Variants in SH3RF3 observed in about 807,000 individuals in gnomAD.
SH3RF3 encodes E3 ubiquitin-protein ligase SH3RF3.
Under a neutral mutation model 66.3 loss-of-function variants are expected in SH3RF3, and 29 were observed. The observed-to-expected ratio is 0.44, with a 90% CI of 0.33 to 0.60. SH3RF3 has a LOEUF of 0.60. Among genes scored for constraint, SH3RF3 ranks in the 20% least tolerant of loss-of-function variants. SH3RF3 has a pLI of 0.04. For missense variants in SH3RF3, 1,194 were observed against 1,190.9 expected (o/e 1.00, Z -0.04); for synonymous variants, 583 against 532.0 (o/e 1.10, Z -1.32).
intron 1 of SH3RF3, among the ~76,000 whole-genome samples, chr2:109,241,225 T>A (rs1679773698): frequency 6.7e-6 from 1 of 150,128 alleles, no homozygotes; most frequent in Non-Finnish European, 1.5e-5. Flanking sequence ...AGTTTGTTTG[T>A]CTCTTGACCT....
chr2:109,330,977 T>C (rs952111207), intron 1 of SH3RF3, among the ~76,000 whole-genome samples: 2 of 152,242 alleles, frequency 1.3e-5, no homozygotes, highest in Admixed American at 6.5e-5. Context: ...GGTTGTGCCA[T>C]GCATTAGTTC....
intron 1 of SH3RF3, among the ~76,000 whole-genome samples, chr2:109,176,019 T>C (rs908372896): frequency 7.2e-5 from 11 of 152,254 alleles, no homozygotes; most frequent in Non-Finnish European, 1.5e-5. Context: ...ATATTCTGCA[T>C]GTTATATCCT....
At chr2:109,306,994 A>G (rs997006338) in intron 1 of SH3RF3, among the ~76,000 whole-genome samples, 1 of 152,226 alleles carries the variant, frequency 6.6e-6, no homozygotes. Context: ...CAACACAGGT[A>G]ACATAATTGA....
At chr2:109,414,886 A>T (rs964762728) in intron 4 of SH3RF3, among the ~76,000 whole-genome samples, 1 of 152,196 alleles carries the variant, frequency 6.6e-6, no homozygotes, top group Non-Finnish European at 1.5e-5. Context: ...GCCCCCACAC[A>T]TGTCCAAGTG....
intron 1 of SH3RF3, among the ~76,000 whole-genome samples, chr2:109,301,808 G>T (rs1201201564): frequency 1.3e-5 from 2 of 152,158 alleles, no homozygotes; most frequent in African/African-American, 4.8e-5. Context: ...CATCCTTCTT[G>T]TCTTCATTCT....
At chr2:109,339,527 G>A (rs894777605) in intron 1 of SH3RF3, among the ~76,000 whole-genome samples, 15 of 152,164 alleles carry the variant, frequency 9.9e-5, no homozygotes, top group Non-Finnish European at 1.5e-4. Context: ...CCAAAAGGCC[G>A]GTGGAAAGGT....
At chr2:109,195,031 A>G (rs1031321474) in intron 1 of SH3RF3, among the ~76,000 whole-genome samples, 6 of 152,306 alleles carry the variant, frequency 3.9e-5, no homozygotes, top group African/African-American at 1.4e-4. Context: ...GGAAATGAAA[A>G]TGGAAGGGGA....
chr2:109,342,027 G>A (rs761072045), intron 1 of SH3RF3, among the ~76,000 whole-genome samples: 2 of 152,182 alleles, frequency 1.3e-5, no homozygotes, highest in African/African-American at 2.4e-5. Flanking sequence ...CTCACCCGCC[G>A]GGGCCTATGG....
chr2:109,439,663 G>A (rs1677506911), intron 7 of SH3RF3, among the ~76,000 whole-genome samples: 1 of 152,144 alleles, frequency 6.6e-6, no homozygotes, highest in African/African-American at 2.4e-5. Context: ...TAAAGTGCCA[G>A]TGTTCCTTGC....
At chr2:109,304,567 T>C (rs1202162981) in intron 1 of SH3RF3, among the ~76,000 whole-genome samples, 5 of 152,344 alleles carry the variant, frequency 3.3e-5, no homozygotes, top group Non-Finnish European at 5.9e-5. Context: ...TTAACTCCGC[T>C]GCACCCGTCG....
intron 3 of SH3RF3, among the ~76,000 whole-genome samples, chr2:109,372,033 C>G (rs1242413613): frequency 6.6e-6 from 1 of 152,236 alleles, no homozygotes; most frequent in African/African-American, 2.4e-5. Context: ...GCTCTTTTCT[C>G]ATGAGCACCA....
chr2:109,407,929 A>G (rs1055330370), intron 4 of SH3RF3, among the ~76,000 whole-genome samples: 1 of 152,184 alleles, frequency 6.6e-6, no homozygotes. Flanking sequence ...ATCACAGTGC[A>G]GGGTGCTGGC....
intron 1 of SH3RF3, among the ~76,000 whole-genome samples, chr2:109,166,043 C>G (rs17020547): frequency 0.03 from 4,542 of 152,106 alleles, 214 homozygotes; most frequent in African/African-American, 0.1. Flanking sequence ...AGATACATAC[C>G]TTGGTGAGCC....
chr2:109,287,177 G>T (rs544026120), intron 1 of SH3RF3, among the ~76,000 whole-genome samples: 1 of 152,324 alleles, frequency 6.6e-6, no homozygotes, highest in East Asian at 1.9e-4. Context: ...ATATGCCACA[G>T]AATTTTGCAT....
intron 4 of SH3RF3, among the ~76,000 whole-genome samples, chr2:109,400,690 A>ACACT (rs10676672): frequency 0.52 from 78,498 of 151,764 alleles, 20,691 homozygotes; most frequent in South Asian, 0.6. Flanking sequence ...TGGTGGATAC[A>ACACT]CACCTGCACG....
At chr2:109,218,876 A>T (rs1193860527) in intron 1 of SH3RF3, among the ~76,000 whole-genome samples, 1 of 152,250 alleles carries the variant, frequency 6.6e-6, no homozygotes, top group Non-Finnish European at 1.5e-5. Flanking sequence ...CAATGCAATT[A>T]AAAATATATA....
At chr2:109,462,372 G>A (rs1195348014) in intron 8 of SH3RF3, among the ~76,000 whole-genome samples, 3 of 151,990 alleles carry the variant, frequency 2.0e-5, no homozygotes, top group Admixed American at 1.3e-4. Context: ...ATACCAAGAG[G>A]TGTGGTGGAT....
intron 1 of SH3RF3, among the ~76,000 whole-genome samples, chr2:109,221,555 C>T (rs1350080090): frequency 6.9e-6 from 1 of 143,952 alleles, no homozygotes; most frequent in Non-Finnish European, 1.5e-5. Context: ...GCACTCCAGC[C>T]TGGGTGACAG....
chr2:109,325,331 CTTTTTTTTTTT>C (rs11298946), intron 1 of SH3RF3, among the ~76,000 whole-genome samples: 18 of 66,260 alleles, frequency 2.7e-4, no homozygotes, highest in African/African-American at 1.1e-3. Context: ...TTCTTTCTTT[CTTTTTTTTTTT>C]TTTTTTTTTT....
Sources: gnomAD v4.1 joint callset for allele counts (sites outside exome capture counted in the v4.1 genomes callset) on GRCh38, gnomAD v4.1.1 for gene constraint, MANE v1.5 for transcripts, NCBI Gene and HGNC (gene_info 2026-07-23, HGNC 2026-07-21) for gene names.